FHIT: variants seen among roughly 807,000 people sequenced by gnomAD.
FHIT encodes the protein fragile histidine triad diadenosine triphosphatase, also known as bis(5'-adenosyl)-triphosphatase.
In FHIT, 19 loss-of-function variants were observed where a neutral mutation model predicts 17.9. The observed-to-expected ratio is 1.06, with a 90% CI of 0.74 to 1.56. The LOEUF (loss-of-function observed/expected upper bound fraction) is 1.56. Among genes scored for constraint, FHIT ranks in the 40% most tolerant of loss-of-function variants. The pLI, the probability that FHIT is intolerant of heterozygous loss-of-function variation, is 0.00. For synonymous variants in FHIT, 81 were observed against 69.7 expected (o/e 1.16, Z -0.81); for missense variants, 248 against 189.2 (o/e 1.31, Z -1.82).
chr3:61,209,729 GT>G (rs2039391567), intron 1 of FHIT, among the ~76,000 whole-genome samples: 1 of 151,944 alleles, frequency 6.6e-6, no homozygotes, highest in African/African-American at 2.4e-5. Flanking sequence ...TTTTTTCAAG[GT>G]TTTTAACTTC....
chr3:59,899,655 G>A (rs558753057), intron 8 of FHIT, among the ~76,000 whole-genome samples: 10 of 150,254 alleles, frequency 6.7e-5, no homozygotes, highest in East Asian at 1.9e-4. Context: ...GCAATATGGC[G>A]AAACCCCGTC....
intron 5 of FHIT, among the ~76,000 whole-genome samples, chr3:60,398,405 C>T (rs1351406121): frequency 6.6e-6 from 1 of 152,078 alleles, no homozygotes; most frequent in African/African-American, 2.4e-5. Context: ...TTTCAGCCAG[C>T]AAGAAACTAA....
chr3:60,704,702 T>C (rs1475256085), intron 4 of FHIT, among the ~76,000 whole-genome samples: 1 of 152,140 alleles, frequency 6.6e-6, no homozygotes, highest in Non-Finnish European at 1.5e-5. Context: ...TAAATACAAA[T>C]CAAAGGAAGA....
intron 5 of FHIT, among the ~76,000 whole-genome samples, chr3:60,478,570 G>A (rs2033458303): frequency 6.6e-6 from 1 of 152,184 alleles, no homozygotes. Flanking sequence ...CGATCATGGT[G>A]ATGGTGGTGA....
chr3:60,088,797 GAAACTTGGCAGGTAATT>G (rs1232346580), intron 5 of FHIT, among the ~76,000 whole-genome samples: 13 of 152,178 alleles, frequency 8.5e-5, no homozygotes, highest in African/African-American at 3.1e-4. Context: ...AATTGGATAA[GAAACTTGGCAGGTAATT>G]AGTACTAGGC....
intron 5 of FHIT, among the ~76,000 whole-genome samples, chr3:60,137,233 C>T (rs1288236273): frequency 6.6e-6 from 1 of 152,138 alleles, no homozygotes; most frequent in Non-Finnish European, 1.5e-5. Context: ...CCTATTGATG[C>T]CAGAACCACC....
chr3:59,911,834 G>A (rs1704893364), intron 8 of FHIT, among the ~76,000 whole-genome samples: 1 of 152,168 alleles, frequency 6.6e-6, no homozygotes. Flanking sequence ...GAATGCAGGG[G>A]GCTGGGGAAG....
chr3:60,070,302 C>A lies in FHIT; in HGVS notation c.104-56150G>T, dbSNP rs145617980. ...GTGGACCATGTCTGTCTCTACATCA[C>A]CATCATTGAAGCCACGGCTTCTGAC... On this transcript the variant is annotated intron_variant, in intron 5 of 9. Transcript: ENST00000492590. 2.6e-5 allele frequency among the ~76,000 whole-genome samples: 4 copies of A among 152,182 alleles called. No individual in the cohort carries two copies. In the South Asian group the frequency reaches 8.3e-4, roughly 32 times the overall value.
At chr3:60,972,002 A>G (rs139892645) in intron 3 of FHIT, among the ~76,000 whole-genome samples, 1 of 152,284 alleles carries the variant, frequency 6.6e-6, no homozygotes, top group African/African-American at 2.4e-5. Flanking sequence ...AATTATTCTT[A>G]ATGTTATGAA....
chr3:60,580,846 G>T (rs528145064), intron 4 of FHIT, among the ~76,000 whole-genome samples: 5 of 152,120 alleles, frequency 3.3e-5, no homozygotes, highest in African/African-American at 1.2e-4. Context: ...TGATTGATGA[G>T]TGATGCCTGC....
At chr3:61,026,397 T>C (rs2032733990) in intron 3 of FHIT, among the ~76,000 whole-genome samples, 1 of 152,160 alleles carries the variant, frequency 6.6e-6, no homozygotes, top group Non-Finnish European at 1.5e-5. Flanking sequence ...ATAATGGTAC[T>C]CACAAGAAGT....
intron 5 of FHIT, among the ~76,000 whole-genome samples, chr3:60,413,298 T>A (rs1003287700): frequency 6.6e-5 from 10 of 151,960 alleles, no homozygotes; most frequent in African/African-American, 2.4e-4. Context: ...CTGAGCCAGG[T>A]GTTGAACAGA....
chr3:60,371,679 A>C (rs1197244624), intron 5 of FHIT, among the ~76,000 whole-genome samples: 1 of 152,198 alleles, frequency 6.6e-6, no homozygotes, highest in African/African-American at 2.4e-5. Flanking sequence ...AAAACTGCAA[A>C]TCTATTTCCA....
chr3:60,981,129 TG>T (rs1211443296), intron 3 of FHIT, among the ~76,000 whole-genome samples: 1 of 152,190 alleles, frequency 6.6e-6, no homozygotes, highest in Admixed American at 6.5e-5. Context: ...CCAGTACTTC[TG>T]GCATGAAAGC....
At chr3:59,976,193 A>G (rs1322411793) in intron 7 of FHIT, among the ~76,000 whole-genome samples, 3 of 152,094 alleles carry the variant, frequency 2.0e-5, no homozygotes. Context: ...GCTTTCAATA[A>G]TCACATAAAC....
At chr3:60,923,985 G>A (rs71313795) in intron 3 of FHIT, among the ~76,000 whole-genome samples, 244 of 152,260 alleles carry the variant, frequency 1.6e-3, no homozygotes, top group Middle Eastern at 3.4e-3. Flanking sequence ...TGAGATCAAA[G>A]TGTAAGGCGG....
At chr3:60,175,327 G>C (rs960431088) in intron 5 of FHIT, among the ~76,000 whole-genome samples, 7 of 152,184 alleles carry the variant, frequency 4.6e-5, no homozygotes, top group Non-Finnish European at 1.0e-4. Context: ...AGAGGAAAAT[G>C]TGGAATGCTG....
At position 60,599,452 on chromosome 3, in the gene FHIT, G is replaced by A. The variant is rs542139675; in HGVS notation, c.-17-62473C>T. Among the ~76,000 whole-genome samples the A allele has an allele frequency of 2.6e-4, 39 of 152,148 alleles. No individual in the cohort carries two copies. The South Asian group carries it at 3.9e-3, about 15-fold the overall frequency. ...CTCAAAGATAAGATACTTTGAGTAC[G>A]GATCTAAAATTTTTATTTGTTACCA... On this transcript the variant is annotated intron_variant, in intron 4 of 9. Transcript: ENST00000492590.
intron 5 of FHIT, among the ~76,000 whole-genome samples, chr3:60,278,460 GCTCA>G (rs1350743224): frequency 6.6e-6 from 1 of 152,092 alleles, no homozygotes; most frequent in African/African-American, 2.4e-5. Context: ...AGAAACTCAG[GCTCA>G]CTAAGAAAAC....
Sources: gnomAD v4.1 joint callset for allele counts (sites outside exome capture counted in the v4.1 genomes callset) on GRCh38, gnomAD v4.1.1 for gene constraint, MANE v1.5 for transcripts, NCBI Gene and HGNC (gene_info 2026-07-23, HGNC 2026-07-21) for gene names.